The following SLC19A1 variants were observed in gnomAD, a reference collection of about 807,000 sequenced individuals.
The protein encoded by SLC19A1 is reduced folate transporter.
SLC19A1 carries 37 observed loss-of-function variants against 35.3 expected under a neutral mutation model. The observed-to-expected ratio is 1.05, with a 90% CI of 0.81 to 1.38. SLC19A1 has a LOEUF of 1.38. SLC19A1 is among the 40% of genes most tolerant of loss of function. SLC19A1 has a pLI of 0.00. For missense variants in SLC19A1, 831 were observed against 826.9 expected (o/e 1.00, Z -0.06); for synonymous variants, 460 against 398.5 (o/e 1.15, Z -1.84).
In SLC19A1 at chr21:45,531,574, A is replaced by G; in HGVS notation, c.764T>C (p.Leu255Pro). 6.2e-7 allele frequency: 1 copy of G among 1,612,322 alleles called. No individual in the cohort carries two copies. The highest frequency in any genetic ancestry group is 8.5e-7 in the Non-Finnish European group (1 of 1,179,678). Residue 255 changes from leucine (L) to proline (P), a missense_variant, in exon 3 of 6, where the codon CTG becomes CCG. Coordinates refer to ENST00000311124, the MANE Select transcript of SLC19A1 (RefSeq NM_194255.4). ...CCGCAGGCTGTCCCCCAGCTCCCGC[A>G]GCATCCGCGCCAGCACTGAGTCCCC... is the stretch of plus-strand genomic sequence containing the variant. ...ACGDSVLARM[L>P]RELGDSLRRP...
chr21:45,537,187 T>C (rs1025333418), intron 2 of SLC19A1, among the ~76,000 whole-genome samples: 6 of 152,140 alleles, frequency 3.9e-5, no homozygotes, highest in Non-Finnish European at 8.8e-5. Flanking sequence ...GGGCAGGCTC[T>C]CTCTCTGCAG....
At position 45,514,809 on chromosome 21, in the gene SLC19A1, C is replaced by A; in HGVS notation, c.*849G>T. 1.8e-6 allele frequency: 1 copy of A among 553,266 alleles called. No individual in the cohort carries two copies. The highest frequency in any genetic ancestry group is 3.1e-6 in the Non-Finnish European group (1 of 321,068). The allele number at this position is 553,266 out of a possible 1,614,324, so 34.3% of individuals were successfully genotyped here. The stretch of plus-strand genomic sequence containing the variant: ...GCAAGGCACTAGCGCTCCTTAGACC[C>A]TGAGGCCGCTGGGACGTACTTCCCC... On this transcript the variant is annotated 3_prime_UTR_variant, in exon 6 of 6. Coordinates refer to ENST00000311124, the MANE Select transcript of SLC19A1 (RefSeq NM_194255.4).
chr21:45,510,050 C>T (rs747780707), downstream of SLC19A1: 4 of 1,548,296 alleles, frequency 2.6e-6, no homozygotes, highest in South Asian at 3.5e-5. Context: ...CGTGACGCGC[C>T]CCTCTCCCCG....
At chr21:45,509,395 C>G, downstream of SLC19A1, 1 of 1,543,354 alleles carries the variant, frequency 6.5e-7, no homozygotes, top group Non-Finnish European at 8.7e-7. Context: ...CGTGGTGCAG[C>G]TGCACGACAG....
chr21:45,531,366 C>T (rs551466285), intron 3 of SLC19A1, 23 bp downstream of exon 3: 9 of 1,545,778 alleles, frequency 5.8e-6, no homozygotes, highest in South Asian at 1.2e-5. Context: ...GGGAAGAAGC[C>T]TCGGGGACCA....
At chr21:45,518,268 T>C (rs557295080) in intron 5 of SLC19A1, among the ~76,000 whole-genome samples, 32 of 152,158 alleles carry the variant, frequency 2.1e-4, no homozygotes, top group Non-Finnish European at 4.0e-4. Context: ...GGCAGAGAAA[T>C]GATCAATGAA....
In SLC19A1 at chr21:45,515,118, C is replaced by T; in HGVS notation, c.*540G>A. On this transcript the variant is annotated 3_prime_UTR_variant, in exon 6 of 6. Transcript: ENST00000311124. The stretch of plus-strand genomic sequence containing the variant: ...TGCCGCCAACCTGAGATGGCTTTTC[C>T]ACAGAGACAGAGAAGCCACATGCAG... 1 of 1,542,260 alleles carries T rather than the reference C, an allele frequency of 6.5e-7. No homozygotes were observed.
downstream of SLC19A1, chr21:45,509,373 C>G (rs1206488535): frequency 6.5e-7 from 1 of 1,543,864 alleles, no homozygotes; most frequent in African/African-American, 1.4e-5. Context: ...AAGTGGCCGC[C>G]TTGCAGCCCC....
In SLC19A1 at chr21:45,526,146, A is replaced by G. The variant is rs369454714; in HGVS notation, c.1152-188T>C. ...TGCCCGCCCCTGCCAGGCAGGAGCC[A>G]GCACCCAGGCCACCCTCGAGGGGCC... On this transcript the variant is annotated intron_variant, in intron 4 of 5. Coordinates refer to ENST00000311124, the MANE Select transcript of SLC19A1 (RefSeq NM_194255.4). Among the ~76,000 whole-genome samples, 5 of 152,242 alleles carry G rather than the reference A, an allele frequency of 3.3e-5. No individual in the cohort carries two copies. The East Asian group carries it at 9.7e-4, about 29-fold the overall frequency.
At chr21:45,520,857 C>T (rs1001707709) in intron 5 of SLC19A1, among the ~76,000 whole-genome samples, 1 of 151,824 alleles carries the variant, frequency 6.6e-6, no homozygotes, top group Non-Finnish European at 1.5e-5. Context: ...CCCGTCTCTA[C>T]TAAAAACATG....
chr21:45,537,768 T>C lies in SLC19A1; in HGVS notation c.189+3A>G. Reference sequence around the variant, plus strand: ...GCCGCCCGGCACCCCGGCACCCACATGCCTGCTCCCGCGTGAAGTTCTTGT... The same window carrying C: ...GCCGCCCGGCACCCCGGCACCCACACGCCTGCTCCCGCGTGAAGTTCTTGT... On this transcript the variant is annotated splice_donor_region_variant and intron_variant, in intron 2 of 5. Transcript: ENST00000311124. 3.6e-6 allele frequency: 4 copies of C among 1,110,618 alleles called. No homozygotes were observed. The highest frequency in any genetic ancestry group is 4.5e-6 in the Non-Finnish European group (4 of 890,052). The allele number at this position is 1,110,618 out of a possible 1,614,324, so 68.8% of individuals were successfully genotyped here.
At chr21:45,523,362 T>C (rs967442544) in intron 5 of SLC19A1, among the ~76,000 whole-genome samples, 1 of 152,130 alleles carries the variant, frequency 6.6e-6, no homozygotes, top group Non-Finnish European at 1.5e-5. Context: ...TTTTTCTATG[T>C]GACAAGAGGC....
chr21:45,531,279 A>G, intron 3 of SLC19A1, 110 bp downstream of exon 3: 1 of 1,206,042 alleles, frequency 8.3e-7, no homozygotes, highest in Non-Finnish European at 1.1e-6. Flanking sequence ...GAAGGTATCC[A>G]TGGGGCAGGG....
downstream of SLC19A1, chr21:45,512,110 C>T (rs1328366175): frequency 5.3e-6 from 8 of 1,504,632 alleles, no homozygotes; most frequent in Non-Finnish European, 6.3e-6. Context: ...CCTGCCTCCA[C>T]CTTTCCTGCC....
In SLC19A1 at chr21:45,515,069, G is replaced by A. The variant is rs1468017265; in HGVS notation, c.*589C>T. 4 of 1,545,468 alleles carry A rather than the reference G, an allele frequency of 2.6e-6. No individual in the cohort carries two copies. The highest frequency in any genetic ancestry group is 2.6e-6 in the Non-Finnish European group (3 of 1,145,442). On this transcript the variant is annotated 3_prime_UTR_variant, in exon 6 of 6. Coordinates refer to ENST00000311124, the MANE Select transcript of SLC19A1 (RefSeq NM_194255.4). The stretch of plus-strand genomic sequence containing the variant: ...ACCAGCTCCGAGGACCAGAGCCGCT[G>A]CTCCCCTCTGATGACAATGTGTCTG...
intron 1 of SLC19A1, among the ~76,000 whole-genome samples, chr21:45,560,597 G>C (rs1440599168): frequency 6.6e-6 from 1 of 152,236 alleles, no homozygotes; most frequent in Non-Finnish European, 1.5e-5. Context: ...GAACAGGAGG[G>C]AAGAGACAAC....
intron 2 of SLC19A1, among the ~76,000 whole-genome samples, chr21:45,535,453 A>AC (rs1239762000): frequency 3.3e-5 from 5 of 152,192 alleles, no homozygotes; most frequent in Non-Finnish European, 5.9e-5. Flanking sequence ...CAGCAACCAC[A>AC]GGGCTGCCAG....
intron 3 of SLC19A1, chr21:45,504,382 A>G (rs369979972): frequency 7.8e-5 from 125 of 1,602,286 alleles, no homozygotes; most frequent in Non-Finnish European, 1.0e-4. Flanking sequence ...GTAGGGGTTC[A>G]GGGCTCCCGT....
At chr21:45,551,990 G>A (rs1233993191) in intron 1 of SLC19A1, among the ~76,000 whole-genome samples, 2 of 152,166 alleles carry the variant, frequency 1.3e-5, no homozygotes, top group East Asian at 3.9e-4. Context: ...TGAGACCTCG[G>A]CTTCCTGTGC....
Sources: allele counts gnomAD v4.1 joint callset (sites outside exome capture counted in the v4.1 genomes callset), GRCh38; gene constraint gnomAD v4.1.1; transcripts MANE v1.5; gene names NCBI Gene and HGNC (gene_info 2026-07-23, HGNC 2026-07-21).